CCNT1: variants seen among roughly 807,000 people sequenced by gnomAD.
CCNT1 encodes cyclin-T1.
CCNT1 carries 18 observed loss-of-function variants against 67.3 expected under a neutral mutation model. The ratio of observed to expected loss-of-function variants is 0.27; its 90% confidence interval spans 0.18 to 0.40. The LOEUF (loss-of-function observed/expected upper bound fraction) is 0.40. CCNT1 is among the 10% of genes least tolerant of loss of function. CCNT1 has a pLI of 1.00. For missense variants in CCNT1, 744 were observed against 884.9 expected (o/e 0.84, Z 2.02); for synonymous variants, 333 against 310.3 (o/e 1.07, Z -0.77).
At position 48,701,013 on chromosome 12, in the gene CCNT1, C is replaced by A. The variant is rs766554729; in HGVS notation, c.433G>T (p.Gly145Cys). The A allele has an allele frequency of 1.3e-6, 2 of 1,546,610 alleles. No homozygotes were observed. The highest frequency in any genetic ancestry group is 2.4e-5 in the South Asian group (2 of 84,110). Residue 145 changes from glycine to cysteine, a missense_variant and splice_region_variant, in exon 4 of 9, where the codon GGC becomes TGC. Physicochemically the swap from Gly to Cys is radical, Grantham distance 159. Transcript: ENST00000261900. ...ILESIILQTLGFELTIDHPHT... is the reference protein window; with the variant it reads ...ILESIILQTLCFELTIDHPHT... ...ATGTTTCAAAGGAAAATAAACTTAC[C>A]TAAAGTCTGCAAAATTATGCTTTCT... is the stretch of plus-strand genomic sequence containing the variant.
chr12:48,713,062 T>C (rs1940480077), intron 2 of CCNT1, among the ~76,000 whole-genome samples: 1 of 152,172 alleles, frequency 6.6e-6, no homozygotes, highest in African/African-American at 2.4e-5. Flanking sequence ...CAATTCCAAG[T>C]CATTTATAAT....
At chr12:48,705,407 C>T (rs771469091) in intron 3 of CCNT1, among the ~76,000 whole-genome samples, 6 of 151,910 alleles carry the variant, frequency 3.9e-5, no homozygotes, top group Non-Finnish European at 8.8e-5. Flanking sequence ...GCTGGGATTA[C>T]AGGCATGAGC....
At chr12:48,707,263 G>T (rs1940376390) in intron 2 of CCNT1, among the ~76,000 whole-genome samples, 1 of 151,446 alleles carries the variant, frequency 6.6e-6, no homozygotes. Context: ...ATAATCGGAT[G>T]TGGAACACTA....
intron 2 of CCNT1, among the ~76,000 whole-genome samples, chr12:48,709,053 G>A (rs182636641): frequency 3.9e-5 from 6 of 152,254 alleles, no homozygotes; most frequent in Non-Finnish European, 8.8e-5. Flanking sequence ...CTCCAGCCTA[G>A]CCTAGGTGAC....
At chr12:48,704,861 C>T (rs145344373) in intron 3 of CCNT1, among the ~76,000 whole-genome samples, 2,497 of 152,082 alleles carry the variant, frequency 0.016, 30 homozygotes, top group Non-Finnish European at 0.024. Context: ...TGGTGAGTTA[C>T]GTAATTATTT....
chr12:48,714,494 T>A lies in CCNT1; in HGVS notation c.192A>T (p.Val64=). The part of the protein sequence containing the change: ...VSQLTINTAI[V]YMHRFYMIQS... ...GAATCATGTAGAATCGATGCATGTA[T>A]ACTATAGCAGTGTTGATAGTCAATT... The change falls in exon 2 of 9, where the codon GTA becomes GTT. Residue 64 remains valine, a synonymous_variant. Coordinates refer to ENST00000261900, the MANE Select transcript of CCNT1 (RefSeq NM_001240.4). The A allele has an allele frequency of 6.2e-7, 1 of 1,610,922 alleles. No homozygotes were observed. The highest frequency in any genetic ancestry group is 1.3e-5 in the African/African-American group (1 of 74,952).
At chr12:48,696,760 T>C (rs1352603595) in intron 6 of CCNT1, among the ~76,000 whole-genome samples, 1 of 152,224 alleles carries the variant, frequency 6.6e-6, no homozygotes, top group African/African-American at 2.4e-5. Flanking sequence ...GCCCTGACAG[T>C]TACTAGGGAT....
chr12:48,709,704 T>C (rs1592125701), intron 2 of CCNT1, among the ~76,000 whole-genome samples: 1 of 152,162 alleles, frequency 6.6e-6, no homozygotes, highest in Admixed American at 6.5e-5. Flanking sequence ...TAGCAAGATA[T>C]GATTTTTTAA....
rs971897186 is a variant in CCNT1, at chr12:48,692,079, C to T, written c.*954G>A. 1 of 151,952 alleles carries T rather than the reference C, an allele frequency of 6.6e-6. No homozygotes were observed. Among genetic ancestry groups the T allele is most frequent in the African/African-American group, 2.4e-5 (1 of 41,354 alleles). The allele number at this position is 151,952 out of a possible 1,614,324, so 9.4% of individuals were successfully genotyped here. A position where few individuals can be genotyped will look rare whatever the true frequency, so the allele number is the denominator to read the frequency against. On this transcript the variant is annotated 3_prime_UTR_variant, in exon 9 of 9. Coordinates refer to ENST00000261900, the MANE Select transcript of CCNT1 (RefSeq NM_001240.4). Reference sequence around the variant, plus strand: ...CAGAAGCTGGCCTTGCTCGCCAACCCTCCTTCCTCAACCCCATCTCTGTTT... The same window carrying T: ...CAGAAGCTGGCCTTGCTCGCCAACCTTCCTTCCTCAACCCCATCTCTGTTT...
At position 48,691,017 on chromosome 12, in the gene CCNT1, C is replaced by T. The variant is rs1279114782; in HGVS notation, c.*2016G>A. The T allele has an allele frequency of 1.9e-4, 29 of 152,060 alleles. No homozygotes were observed. The highest frequency in any genetic ancestry group is 2.9e-5 in the Non-Finnish European group (2 of 68,018). The allele number at this position is 152,060 out of a possible 1,614,324, so 9.4% of individuals were successfully genotyped here. On this transcript the variant is annotated 3_prime_UTR_variant, in exon 9 of 9. Coordinates refer to ENST00000261900, the MANE Select transcript of CCNT1 (RefSeq NM_001240.4). ...CTATATATCTACCAATTATCTAACA[C>T]AACATAGAAAATATCAAGGGGAAAG...
In CCNT1 at chr12:48,693,736, T is replaced by G. The variant is rs1480764528; in HGVS notation, c.1478A>C (p.His493Pro). 1 of 1,614,188 alleles carries G rather than the reference T, an allele frequency of 6.2e-7. No individual in the cohort carries two copies. The highest frequency in any genetic ancestry group is 8.5e-7 in the Non-Finnish European group (1 of 1,180,044). ...TGTAACACTGTCCTCTACAGAATTG[T>G]GCTTATCAGCTGCAGCATGGACTTT... ...RIKVHAAADK[H>P]NSVEDSVTKS... The change falls in exon 9 of 9, where the codon CAC becomes CCC. Residue 493 changes from histidine (H) to proline (P), a missense_variant. Around this residue, in one of 3 missense-constraint regions of CCNT1, gnomAD observed 564 missense variants for 574.2 expected, o/e 0.98. Transcript: ENST00000261900.
Position 48,714,459 on chromosome 12 carries a change from G to T in CCNT1, c.227C>A (p.Thr76Lys), listed in dbSNP as rs759737668. The change falls in exon 2 of 9, where the codon ACA becomes AAA. Residue 76 changes from threonine to lysine, a missense_variant. Transcript: ENST00000261900. ...TATACTTACATTTCCAGGGAACTGT[G>T]TGAAGGACTGAATCATGTAGAATCG... ...MHRFYMIQSF[T>K]QFPGNSVAPA... 1 of 1,598,428 alleles carries T rather than the reference G, an allele frequency of 6.3e-7. No homozygotes were observed. The highest frequency in any genetic ancestry group is 1.1e-5 in the South Asian group (1 of 90,724).
rs1940127016 is a variant in CCNT1, at chr12:48,693,949, G to A, written c.1265C>T (p.Ala422Val). Residue 422 changes from alanine (A) to valine (V), a missense_variant, in exon 9 of 9, where the codon GCC becomes GTC. Ala to Val is a moderately conservative substitution (Grantham distance 64). Coordinates refer to ENST00000261900, the MANE Select transcript of CCNT1 (RefSeq NM_001240.4). ...ATCATGATGAGAAAGGAGATTCTGG[G>A]CAGCATATGCATATTGTGACTTCAC... Reference protein sequence around the residue: ...ANVKSQYAYAAQNLLSHHDSH... With the variant: ...ANVKSQYAYAVQNLLSHHDSH... 6.2e-7 allele frequency: 1 copy of A among 1,613,990 alleles called. No homozygotes were observed. The highest frequency in any genetic ancestry group is 8.5e-7 in the Non-Finnish European group (1 of 1,180,028).
intron 1 of CCNT1, among the ~76,000 whole-genome samples, chr12:48,716,088 A>G (rs1439159695): frequency 6.6e-6 from 1 of 152,240 alleles, no homozygotes; most frequent in Non-Finnish European, 1.5e-5. Context: ...TCCACCCTTT[A>G]TAACACTTTC....
At chr12:48,710,762 G>C (rs568265005) in intron 2 of CCNT1, among the ~76,000 whole-genome samples, 1 of 152,170 alleles carries the variant, frequency 6.6e-6, no homozygotes, top group Non-Finnish European at 1.5e-5. Context: ...AAGCTTAACA[G>C]ATAAGAAATA....
In CCNT1 at chr12:48,701,676, C is replaced by T. The variant is rs552552348; in HGVS notation, c.373-603G>A. ...AGGCTGGAGTGCAATGGCACAATCT[C>T]GGCTCACCACAACCTCTGCCTCCCG... On this transcript the variant is annotated intron_variant, in intron 3 of 8. Coordinates refer to ENST00000261900, the MANE Select transcript of CCNT1 (RefSeq NM_001240.4). Among the ~76,000 whole-genome samples, 4 of 151,840 alleles carry T rather than the reference C, an allele frequency of 2.6e-5. No homozygotes were observed. In the East Asian group the frequency reaches 5.8e-4, roughly 22 times the overall value.
At chr12:48,701,167 TA>T (rs566267442) in intron 3 of CCNT1, 94 bp from the exon 4 acceptor site, 5 of 436,818 alleles carry the variant, frequency 1.1e-5, no homozygotes, top group Non-Finnish European at 2.1e-5. Context: ...ACCAAAACAA[TA>T]AAAGGCATGA....
Position 48,705,281 on chromosome 12 carries a change from T to TTTGTTGTTGTTG in CCNT1, c.372+475_372+486dup, listed in dbSNP as rs60219074. On this transcript the variant is annotated intron_variant, in intron 3 of 8. Transcript: ENST00000261900. ...TGTGAGCCAGCATGCCCAGTTGTTT[T>TTTGTTGTTGTTG]TTGTTGTTGTTGTTGTTGTTGTTTT... Among the ~76,000 whole-genome samples the TTTGTTGTTGTTG allele has an allele frequency of 4.0e-5, 6 of 150,954 alleles. No homozygotes were observed. In the South Asian group the frequency reaches 6.3e-4, roughly 16 times the overall value.
chr12:48,698,871 G>A (rs753425412), intron 5 of CCNT1, among the ~76,000 whole-genome samples: 1 of 151,902 alleles, frequency 6.6e-6, no homozygotes, highest in South Asian at 2.1e-4. Context: ...CAGGAGAATC[G>A]CTTGAACCCG....
Sources: gnomAD v4.1 joint callset for allele counts (sites outside exome capture counted in the v4.1 genomes callset) on GRCh38, gnomAD v4.1.1 for gene constraint, gnomAD v4.1.1 regional missense constraint, MANE v1.5 for transcripts, NCBI Gene and HGNC (gene_info 2026-07-23, HGNC 2026-07-21) for gene names.